The following PURG variants were observed in gnomAD, a reference collection of about 807,000 sequenced individuals.
The protein encoded by PURG is purine rich element binding protein G.
Under a neutral mutation model 24.3 loss-of-function variants are expected in PURG, and 3 were observed. The ratio of observed to expected loss-of-function variants is 0.12; its 90% CI spans 0.06 to 0.32. PURG has a LOEUF of 0.32. PURG is among the 10% of genes least tolerant of loss of function. The pLI is 1.00. For missense variants in PURG, 371 were observed against 439.1 expected (o/e 0.84, Z 1.39); for synonymous variants, 180 against 173.1 (o/e 1.04, Z -0.31).
At chr8:31,015,264 G>A (rs1381881548) in intron 1 of PURG, among the ~76,000 whole-genome samples, 2 of 152,078 alleles carry the variant, frequency 1.3e-5, no homozygotes, top group African/African-American at 2.4e-5. Flanking sequence ...TATACTTAAC[G>A]CTACTGAACA....
chr8:31,005,894 T>C (rs1449243159), intron 1 of PURG, among the ~76,000 whole-genome samples: 1 of 151,982 alleles, frequency 6.6e-6, no homozygotes, highest in African/African-American at 2.4e-5. Flanking sequence ...CAGGGGCTAC[T>C]AGTGGAGCAA....
chr8:31,013,024 TTG>T (rs1563306024), intron 1 of PURG, among the ~76,000 whole-genome samples: 1 of 152,204 alleles, frequency 6.6e-6, no homozygotes, highest in Non-Finnish European at 1.5e-5. Flanking sequence ...AAGAATCAAG[TTG>T]TGTTTACCCA....
chr8:31,031,843 A>T lies in PURG; in HGVS notation c.940T>A (p.Phe314Ile). 1 of 1,597,886 alleles carries T rather than the reference A, an allele frequency of 6.3e-7. No homozygotes were observed. Among genetic ancestry groups the T allele is most frequent in the Non-Finnish European group, 8.5e-7 (1 of 1,171,184 alleles). The part of the protein sequence containing the change: ...FKAWTRFGEN[F>I]IKYEEEMRKI... ...CTCATCTCTTCTTCATACTTGATAA[A>T]ATTCTCCCCAAACCTTGTCCAAGCT... is the stretch of plus-strand genomic sequence containing the variant. The change falls in exon 2 of 2, where the codon TTT (phenylalanine) becomes ATT (isoleucine). Residue 314 changes from phenylalanine to isoleucine, a missense_variant. Physicochemically the swap from Phe to Ile is conservative, Grantham distance 21. This residue lies in a region of PURG where 103 missense variants were observed against 127.7 expected (regional missense o/e 0.81). Transcript: ENST00000523392.
At chr8:31,002,841 A>T (rs1424065846) in intron 1 of PURG, among the ~76,000 whole-genome samples, 2 of 152,174 alleles carry the variant, frequency 1.3e-5, no homozygotes, top group Non-Finnish European at 2.9e-5. Flanking sequence ...TTCAAGTGGG[A>T]ACAAAGACCA....
intron 1 of PURG, among the ~76,000 whole-genome samples, chr8:31,006,036 T>C (rs1810641758): frequency 6.6e-6 from 1 of 152,118 alleles, no homozygotes; most frequent in Non-Finnish European, 1.5e-5. Flanking sequence ...CAAAATCACG[T>C]TGAATGCCAG....
intron 1 of PURG, among the ~76,000 whole-genome samples, chr8:30,997,194 GTTTA>G (rs1168880160): frequency 5.3e-5 from 8 of 151,634 alleles, no homozygotes; most frequent in Admixed American, 2.0e-4. Flanking sequence ...TAATACATGC[GTTTA>G]TTTGTTTTCC....
chr8:31,030,274 G>A (rs2344452), downstream of PURG, among the ~76,000 whole-genome samples: 145 of 152,126 alleles, frequency 9.5e-4, 2 homozygotes, highest in Admixed American at 8.2e-3. Context: ...TTTGGGGGTT[G>A]AAATCAGTGT....
chr8:31,021,648 G>A (rs1810990527), intron 1 of PURG, among the ~76,000 whole-genome samples: 1 of 152,112 alleles, frequency 6.6e-6, no homozygotes, highest in Non-Finnish European at 1.5e-5. Flanking sequence ...CAGCTTCATA[G>A]GAAATCTGAA....
chr8:31,020,280 TA>T (rs1394383399), intron 1 of PURG, among the ~76,000 whole-genome samples: 2 of 152,234 alleles, frequency 1.3e-5, no homozygotes, highest in Non-Finnish European at 2.9e-5. Context: ...CTCTAGCCTT[TA>T]AATTCTGTTT....
At chr8:30,998,287 A>G (rs1286028788) in intron 1 of PURG, among the ~76,000 whole-genome samples, 1 of 151,782 alleles carries the variant, frequency 6.6e-6, no homozygotes, top group Non-Finnish European at 1.5e-5. Context: ...TTAAGTTACA[A>G]TAGTTTTTGA....
intron 1 of PURG, among the ~76,000 whole-genome samples, chr8:31,019,017 G>A (rs1318624906): frequency 1.4e-5 from 2 of 145,226 alleles, no homozygotes; most frequent in African/African-American, 2.5e-5. Context: ...CCAGCTACTC[G>A]GGAGGCTGAG....
exon 2 of PURG, chr8:30,996,637 G>C (rs143906198): frequency 2.2e-5 from 36 of 1,611,994 alleles, no homozygotes; most frequent in Non-Finnish European, 2.0e-5. Flanking sequence ...TGTTCCTTAT[G>C]CTTGATTTGA....
intron 1 of PURG, among the ~76,000 whole-genome samples, chr8:31,002,368 G>T (rs1257140968): frequency 6.7e-6 from 1 of 150,372 alleles, no homozygotes; most frequent in Non-Finnish European, 1.5e-5. Context: ...TTTTAAAAAA[G>T]GATAGTTAAA....
chr8:31,002,424 C>T (rs1437808415), intron 1 of PURG, among the ~76,000 whole-genome samples: 6 of 152,130 alleles, frequency 3.9e-5, no homozygotes, highest in African/African-American at 7.2e-5. Context: ...CTGTATTAAA[C>T]GTTTTCTTTA....
intron 1 of PURG, among the ~76,000 whole-genome samples, chr8:31,013,709 C>G (rs1810805145): frequency 6.6e-6 from 1 of 152,288 alleles, no homozygotes; most frequent in Non-Finnish European, 1.5e-5. Flanking sequence ...TGCACTCCAG[C>G]CTGGGCAACA....
downstream of PURG, among the ~76,000 whole-genome samples, chr8:31,030,667 C>T (rs1265669046): frequency 6.6e-6 from 1 of 151,390 alleles, no homozygotes; most frequent in Non-Finnish European, 1.5e-5. Context: ...AAATCCCCAC[C>T]CCCTCCAGAA....
downstream of PURG, among the ~76,000 whole-genome samples, chr8:31,029,147 C>T (rs972094041): frequency 3.3e-5 from 5 of 151,658 alleles, no homozygotes; most frequent in South Asian, 2.1e-4. Flanking sequence ...TATTTAATTA[C>T]GGCTAATGAA....
chr8:30,998,519 A>G (rs1810473468), intron 1 of PURG, among the ~76,000 whole-genome samples: 1 of 151,704 alleles, frequency 6.6e-6, no homozygotes, highest in South Asian at 2.1e-4. Context: ...TAGCATATGG[A>G]GTTATGTTAT....
chr8:31,007,400 T>G (rs1810674631), intron 1 of PURG, among the ~76,000 whole-genome samples: 1 of 152,170 alleles, frequency 6.6e-6, no homozygotes, highest in Non-Finnish European at 1.5e-5. Context: ...AAGCTATTTT[T>G]TTCAGAGTCA....
Sources: gnomAD v4.1 joint callset for allele counts (sites outside exome capture counted in the v4.1 genomes callset) on GRCh38, gnomAD v4.1.1 for gene constraint, gnomAD v4.1.1 regional missense constraint, MANE v1.5 for transcripts, NCBI Gene and HGNC (gene_info 2026-07-23, HGNC 2026-07-21) for gene names.